The following CEACAM16 variants were observed in gnomAD, a reference collection of about 807,000 sequenced individuals.
CEACAM16 encodes CEA cell adhesion molecule 16, tectorial membrane component.
A neutral mutation model predicts 39.4 loss-of-function variants in CEACAM16; 30 were observed. The ratio of observed to expected loss-of-function variants is 0.76; its 90% CI spans 0.57 to 1.03. CEACAM16 has a LOEUF of 1.03. Ranked by LOEUF, CEACAM16 falls within the 50% of genes least tolerant of loss-of-function variation. The pLI, the probability that CEACAM16 is intolerant of heterozygous loss-of-function variation, is 0.00. For synonymous variants in CEACAM16, 262 were observed against 264.9 expected, an observed-to-expected ratio of 0.99 and a Z score of 0.11; for missense variants, 521 against 585.3, an observed-to-expected ratio of 0.89 and a Z score of 1.13.
Position 44,704,157 on chromosome 19 carries a change from T to G in CEACAM16, c.522T>G (p.Ala174=). The G allele has an allele frequency of 6.3e-7, 1 of 1,588,150 alleles. No individual in the cohort carries two copies. The highest frequency in any genetic ancestry group is 8.6e-7 in the Non-Finnish European group (1 of 1,168,328). ...WFFNGGALPV[A]LRLGLSPDGR... is the part of the protein sequence containing the mutation. ...TCAACGGTGGGGCCCTGCCCGTCGC[T>G]CTCCGCCTGGGCCTGTCCCCTGACG... The change falls in exon 4 of 7, where the codon GCT becomes GCG. Residue 174 remains alanine, a synonymous_variant. Transcript: ENST00000587331.
intron 4 of CEACAM16, among the ~76,000 whole-genome samples, chr19:44,705,241 G>A (rs1032052013): frequency 1.7e-4 from 26 of 151,816 alleles, no homozygotes; most frequent in African/African-American, 6.3e-4. Context: ...GAACCTAGAA[G>A]CACCAATTCT....
intron 1 of CEACAM16, 183 bp downstream of exon 1, chr19:44,699,443 T>C: frequency 2.1e-6 from 1 of 468,294 alleles, no homozygotes; most frequent in Non-Finnish European, 4.4e-6. Context: ...TTTTTTTTTT[T>C]GAGATGGAGT....
chr19:44,710,436 G>A, intron 6 of CEACAM16, 60 bp from the exon 7 acceptor site: 2 of 1,584,340 alleles, frequency 1.3e-6, no homozygotes, highest in Non-Finnish European at 8.6e-7. Flanking sequence ...GGGCACTGGG[G>A]ACCTGGTCCT....
rs189001086 is a variant in CEACAM16 at position 44,699,894 on chromosome 19, C to T, written c.-97+634C>T. Among the ~76,000 whole-genome samples, 520 of 152,230 alleles carry T rather than the reference C, an allele frequency of 3.4e-3. 1 individual carries two copies. Among genetic ancestry groups the T allele is most frequent in the African/African-American group, 0.011 (471 of 41,522 alleles). Reference sequence around the variant, plus strand: ...AGGCTGGAGTGCAGTGGCAGGATCTCGGCTCACTGCAACCTCTACCTCCTG... The same window carrying T: ...AGGCTGGAGTGCAGTGGCAGGATCTTGGCTCACTGCAACCTCTACCTCCTG... On this transcript the variant is annotated intron_variant, in intron 1 of 6. Coordinates refer to ENST00000587331, the MANE Select transcript of CEACAM16 (RefSeq NM_001039213.4).
At chr19:44,703,997 C>A (rs368338468) in intron 3 of CEACAM16, 21 bp from the exon 4 acceptor site, 2 of 1,567,070 alleles carry the variant, frequency 1.3e-6, no homozygotes, top group Non-Finnish European at 8.7e-7. Context: ...CCCCCTCCCC[C>A]TCTGTCTCTT....
chr19:44,699,535 C>T, intron 1 of CEACAM16: 1 of 408,362 alleles, frequency 2.4e-6, no homozygotes, highest in East Asian at 7.2e-5. Flanking sequence ...CGCGACCACA[C>T]CCAGCTAATT....
chr19:44,699,310 T>G (rs1312961022), intron 1 of CEACAM16, 50 bp downstream of exon 1: 1 of 533,298 alleles, frequency 1.9e-6, no homozygotes. Flanking sequence ...TCAACAGCCC[T>G]GTGATGTGAG....
intron 6 of CEACAM16, among the ~76,000 whole-genome samples, chr19:44,709,485 T>C (rs1206866905): frequency 0.012 from 716 of 60,308 alleles, 2 homozygotes; most frequent in East Asian, 0.015. Context: ...CATGTCTCCT[T>C]CATCAGACTG....
rs1396734832 is a variant in CEACAM16, at chr19:44,703,629, C to T, written c.318C>T (p.Tyr106=). Residue 106 remains tyrosine (Y), a synonymous_variant, in exon 3 of 7, where the codon TAC becomes TAT. Transcript: ENST00000587331. ...TCCTGCCCCGGCACTCAGGCACCTA[C>T]ATCCTGCAGACCTTCAACAGGCAGT... ...QGILPRHSGT[Y]ILQTFNRQLQ... 1 of 1,606,008 alleles carries T rather than the reference C, an allele frequency of 6.2e-7. No individual in the cohort carries two copies. The highest frequency in any genetic ancestry group is 1.1e-5 in the South Asian group (1 of 90,144).
intron 2 of CEACAM16, 140 bp from the exon 3 acceptor site, chr19:44,703,209 C>T: frequency 1.5e-6 from 1 of 688,252 alleles, no homozygotes; most frequent in Admixed American, 3.0e-5. Flanking sequence ...GTTGCAGGTT[C>T]AAATCCTGGT....
chr19:44,702,846 C>T (rs1974370759), intron 2 of CEACAM16, among the ~76,000 whole-genome samples: 1 of 152,246 alleles, frequency 6.6e-6, no homozygotes, highest in African/African-American at 2.4e-5. Flanking sequence ...CTTAAAGCCG[C>T]AGGTCCTGTG....
At position 44,704,152 on chromosome 19, in the gene CEACAM16, G is replaced by A. The variant is rs756280582; in HGVS notation, c.517G>A (p.Val173Ile). The change falls in exon 4 of 7, where the codon GTC (valine) becomes ATC (isoleucine). Residue 173 changes from valine (V) to isoleucine (I), a missense_variant. Val to Ile is a conservative substitution (Grantham distance 29). Transcript: ENST00000587331. ...RWFFNGGALP[V>I]ALRLGLSPDG... ...GTTCTTCAACGGTGGGGCCCTGCCC[G>A]TCGCTCTCCGCCTGGGCCTGTCCCC... 17 of 1,589,808 alleles carry A rather than the reference G, an allele frequency of 1.1e-5. No individual in the cohort carries two copies. Among genetic ancestry groups the A allele is most frequent in the Middle Eastern group, 1.8e-4 (1 of 5,652 alleles).
rs112359655 is a variant in CEACAM16, at chr19:44,701,994, TA to T, written c.37+505del. On this transcript the variant is annotated intron_variant, in intron 2 of 6. Transcript: ENST00000587331. This position sits in a 1 kb window ranked among gnomAD's most constrained non-coding sequence, Gnocchi z 4.0. ...GCTGTTCTGAGAGCTTCTCATGGTT[TA>T]AAACCACCTATGAGGGGCCGGGCAA... is the stretch of plus-strand genomic sequence containing the variant. Among the ~76,000 whole-genome samples, 846 of 152,214 alleles carry T rather than the reference TA, an allele frequency of 5.6e-3. 14 individuals are homozygous for T. Among genetic ancestry groups the T allele is most frequent in the African/African-American group, 0.019 (783 of 41,534 alleles).
At chr19:44,703,226 T>C in intron 2 of CEACAM16, 123 bp from the exon 3 acceptor site, 1 of 813,680 alleles carries the variant, frequency 1.2e-6, no homozygotes, top group Non-Finnish European at 1.9e-6. Flanking sequence ...TGGTTTTGCC[T>C]GTCCTCATTT....
At chr19:44,702,971 C>T (rs1011344025) in intron 2 of CEACAM16, among the ~76,000 whole-genome samples, 1 of 152,228 alleles carries the variant, frequency 6.6e-6, no homozygotes, top group East Asian at 1.9e-4. Flanking sequence ...CTGAGTCCCT[C>T]CCTGGGACTG....
chr19:44,709,433 C>A (rs894826153), intron 6 of CEACAM16, among the ~76,000 whole-genome samples: 1 of 139,916 alleles, frequency 7.1e-6, no homozygotes, highest in Non-Finnish European at 1.5e-5. Context: ...AGTCAGGGAC[C>A]ATGTCTCCTT....
At position 44,703,461 on chromosome 19, in the gene CEACAM16, C is replaced by A. The variant is rs775440428; in HGVS notation, c.150C>A (p.Ala50=). 1.2e-6 allele frequency: 2 copies of A among 1,613,868 alleles called. No homozygotes were observed. The highest frequency in any genetic ancestry group is 1.7e-6 in the Non-Finnish European group (2 of 1,179,900). ...VVHGLSGELL[A]YSWYAGPTLS... is the part of the protein sequence containing the mutation. ...ATGGGCTTTCGGGGGAACTGCTCGC[C>A]TACAGCTGGTATGCGGGGCCCACAC... The change falls in exon 3 of 7, where the codon GCC becomes GCA. Residue 50 remains alanine, a synonymous_variant. Coordinates refer to ENST00000587331, the MANE Select transcript of CEACAM16 (RefSeq NM_001039213.4).
chr19:44,703,765 T>TAA, intron 3 of CEACAM16, 72 bp downstream of exon 3: 10 of 1,211,446 alleles, frequency 8.3e-6, no homozygotes, highest in South Asian at 1.9e-5. Flanking sequence ...CTTCTTTTTT[T>TAA]TAAAAAAAAA....
Position 44,710,521 on chromosome 19 carries a change from A to T in CEACAM16, c.*15A>T, listed in dbSNP as rs760762646. ...CCCTGGGGTAACAGCGTGACCCTGG[A>T]GACGTCCAGAGAGAAGAGCTCTTCG... On this transcript the variant is annotated 3_prime_UTR_variant, in exon 7 of 7. Coordinates refer to ENST00000587331, the MANE Select transcript of CEACAM16 (RefSeq NM_001039213.4). The T allele has an allele frequency of 6.2e-7, 1 of 1,613,682 alleles. No homozygotes were observed. The highest frequency in any genetic ancestry group is 2.2e-5 in the East Asian group (1 of 44,864).
Sources: allele counts gnomAD v4.1 joint callset (sites outside exome capture counted in the v4.1 genomes callset), GRCh38; gene constraint gnomAD v4.1.1; non-coding constraint Gnocchi (gnomAD v3.1); transcripts MANE v1.5; gene names NCBI Gene and HGNC (gene_info 2026-07-23, HGNC 2026-07-21).